Variants in NEGR1 observed in about 807,000 individuals in gnomAD.
NEGR1 encodes the protein IgLON family member 4.
Under a neutral mutation model 40.9 loss-of-function variants are expected in NEGR1, and 10 were observed. That is an observed-to-expected ratio of 0.24 (90% CI 0.15 to 0.42). The LOEUF is 0.42. Ranked by LOEUF, NEGR1 falls within the 10% of genes least tolerant of loss-of-function variation. The probability of loss-of-function intolerance (pLI) is 1.00; values close to 1 mark genes in which losing one functional copy is unlikely to be tolerated. For missense variants in NEGR1, 352 were observed against 438.9 expected (o/e 0.80, Z 1.77); for synonymous variants, 185 against 166.8 (o/e 1.11, Z -0.84).
At chr1:71,956,409 T>G (rs1646120008) in intron 1 of NEGR1, among the ~76,000 whole-genome samples, 3 of 152,162 alleles carry the variant, frequency 2.0e-5, no homozygotes. Flanking sequence ...TGAAGTAGTA[T>G]TCTTTTACAA....
chr1:71,752,602 G>A (rs935717258), intron 3 of NEGR1, among the ~76,000 whole-genome samples: 1 of 152,134 alleles, frequency 6.6e-6, no homozygotes, highest in Admixed American at 6.5e-5. Flanking sequence ...AAATAATGGT[G>A]AGAGCAGATG....
At chr1:72,028,099 T>C (rs955910485) in intron 1 of NEGR1, among the ~76,000 whole-genome samples, 1 of 152,226 alleles carries the variant, frequency 6.6e-6, no homozygotes, top group Non-Finnish European at 1.5e-5. Flanking sequence ...ATCCGCCCAG[T>C]TAGCCTAACC....
At chr1:71,683,310 T>C (rs929185107) in intron 4 of NEGR1, among the ~76,000 whole-genome samples, 1 of 152,076 alleles carries the variant, frequency 6.6e-6, no homozygotes, top group African/African-American at 2.4e-5. Context: ...GTCTTCTCTT[T>C]GCATCTTTCA....
chr1:72,209,251 G>A (rs1008469104), intron 1 of NEGR1, among the ~76,000 whole-genome samples: 5 of 151,144 alleles, frequency 3.3e-5, no homozygotes, highest in African/African-American at 1.2e-4. Context: ...AGATACAAAT[G>A]TTTCTATGAA....
At chr1:72,056,369 C>T (rs973014230) in intron 1 of NEGR1, among the ~76,000 whole-genome samples, 1 of 151,264 alleles carries the variant, frequency 6.6e-6, no homozygotes, top group African/African-American at 2.4e-5. Flanking sequence ...AGGAGGGTTA[C>T]TTTGCTAATG....
intron 6 of NEGR1, among the ~76,000 whole-genome samples, chr1:71,474,838 TGTAGTTA>T (rs1362039652): frequency 6.6e-6 from 1 of 151,994 alleles, no homozygotes; most frequent in Non-Finnish European, 1.5e-5. Context: ...TAGAAATATT[TGTAGTTA>T]ACATTGCATG....
intron 6 of NEGR1, among the ~76,000 whole-genome samples, chr1:71,482,112 C>T (rs1425047544): frequency 6.6e-6 from 1 of 151,676 alleles, no homozygotes; most frequent in Non-Finnish European, 1.5e-5. Context: ...AGATTAAACC[C>T]CTGCTTATTT....
intron 2 of NEGR1, among the ~76,000 whole-genome samples, chr1:71,856,006 C>A (rs1003794167): frequency 6.6e-6 from 1 of 152,050 alleles, no homozygotes; most frequent in South Asian, 2.1e-4. Context: ...TGTGTCTCAG[C>A]ATGCTTTATT....
intron 1 of NEGR1, among the ~76,000 whole-genome samples, chr1:72,122,339 C>T (rs1371539288): frequency 6.6e-6 from 1 of 151,830 alleles, no homozygotes; most frequent in Non-Finnish European, 1.5e-5. Flanking sequence ...GTTAACAATC[C>T]CCCAGGACCC....
chr1:72,036,742 G>T (rs1041878191), intron 1 of NEGR1, among the ~76,000 whole-genome samples: 5 of 150,488 alleles, frequency 3.3e-5, no homozygotes, highest in Non-Finnish European at 7.4e-5. Context: ...TATATATTAA[G>T]AAGTTTTTAC....
chr1:72,244,963 C>T (rs527801937), intron 1 of NEGR1, among the ~76,000 whole-genome samples: 16 of 151,840 alleles, frequency 1.1e-4, no homozygotes, highest in African/African-American at 3.4e-4. Flanking sequence ...GTGAAATCAC[C>T]GACGAAAAGC....
At chr1:71,456,725 A>G (rs567311609) in intron 6 of NEGR1, among the ~76,000 whole-genome samples, 3 of 152,362 alleles carry the variant, frequency 2.0e-5, no homozygotes, top group South Asian at 4.1e-4. Flanking sequence ...TAAGACAGAC[A>G]TAAATCAGTA....
intron 1 of NEGR1, among the ~76,000 whole-genome samples, chr1:72,218,628 A>G (rs1360177825): frequency 6.6e-6 from 1 of 151,624 alleles, no homozygotes; most frequent in Non-Finnish European, 1.5e-5. Flanking sequence ...TTTTTTTCCT[A>G]TGAGACGATA....
At chr1:71,752,263 G>T (rs1292940022) in intron 3 of NEGR1, among the ~76,000 whole-genome samples, 1 of 152,114 alleles carries the variant, frequency 6.6e-6, no homozygotes, top group Non-Finnish European at 1.5e-5. Context: ...GCAGGCCATA[G>T]GTTCTCTGTT....
intron 6 of NEGR1, among the ~76,000 whole-genome samples, chr1:71,467,323 A>C (rs1437732320): frequency 6.6e-6 from 1 of 152,100 alleles, no homozygotes; most frequent in Non-Finnish European, 1.5e-5. Context: ...TGTCATTGCA[A>C]GGAAATGAAA....
intron 6 of NEGR1, among the ~76,000 whole-genome samples, chr1:71,471,385 C>T (rs1328649069): frequency 6.6e-6 from 1 of 152,108 alleles, no homozygotes; most frequent in Non-Finnish European, 1.5e-5. Context: ...TTGGCTCACG[C>T]CTGTAATCCC....
At chr1:72,055,199 C>T (rs953344415) in intron 1 of NEGR1, among the ~76,000 whole-genome samples, 3 of 151,242 alleles carry the variant, frequency 2.0e-5, no homozygotes, top group East Asian at 1.9e-4. Flanking sequence ...TCTTTTGAGG[C>T]TTCACTAATG....
intron 6 of NEGR1, among the ~76,000 whole-genome samples, chr1:71,574,743 A>G (rs748338875): frequency 6.6e-5 from 10 of 152,176 alleles, no homozygotes; most frequent in Non-Finnish European, 1.5e-4. Context: ...ACCTCTTAGA[A>G]GCCTTAATAA....
chr1:71,464,117 T>C (rs1003655727), intron 6 of NEGR1, among the ~76,000 whole-genome samples: 8 of 152,098 alleles, frequency 5.3e-5, no homozygotes, highest in Admixed American at 1.3e-4. Flanking sequence ...AATCAAGTTT[T>C]AGTCTTCTGT....
Sources: gnomAD v4.1 joint callset for allele counts (sites outside exome capture counted in the v4.1 genomes callset) on GRCh38, gnomAD v4.1.1 for gene constraint, MANE v1.5 for transcripts, NCBI Gene and HGNC (gene_info 2026-07-23, HGNC 2026-07-21) for gene names.